Variants in RPS6KA5 observed in about 807,000 individuals in gnomAD.
The protein encoded by RPS6KA5 is ribosomal protein S6 kinase A5, also known as ribosomal protein S6 kinase alpha-5.
In RPS6KA5, 27 loss-of-function variants were observed where a neutral mutation model predicts 85.5. The observed-to-expected ratio is 0.32, with a 90% CI of 0.23 to 0.44. RPS6KA5 has a LOEUF of 0.44. Among genes scored for constraint, RPS6KA5 ranks in the 20% least tolerant of loss-of-function variants. The probability of loss-of-function intolerance (pLI) is 1.00; values close to 1 mark genes in which losing one functional copy is unlikely to be tolerated. For missense variants in RPS6KA5, 811 were observed against 980.9 expected, an observed-to-expected ratio of 0.83 and a Z score of 2.31; for synonymous variants, 334 against 348.2, an observed-to-expected ratio of 0.96 and a Z score of 0.46.
intron 5 of RPS6KA5, among the ~76,000 whole-genome samples, chr14:90,932,359 C>T (rs1336902383): frequency 1.3e-5 from 2 of 152,098 alleles, no homozygotes; most frequent in African/African-American, 2.4e-5. Context: ...TGTTGAGTCT[C>T]AAACTCCTGG....
intron 3 of RPS6KA5, among the ~76,000 whole-genome samples, chr14:90,964,935 A>AAC (rs1566801467): frequency 2.1e-5 from 3 of 144,308 alleles, no homozygotes; most frequent in African/African-American, 7.5e-5. Context: ...AAAAAAAAAA[A>AAC]CCAAAAAACC....
rs1360327189 is a variant in RPS6KA5 at position 90,869,189 on chromosome 14, A to G, written c.*2885T>C. 1 of 152,022 alleles carries G rather than the reference A, an allele frequency of 6.6e-6. No homozygotes were observed. The highest frequency in any genetic ancestry group is 1.5e-5 in the Non-Finnish European group (1 of 68,040). The allele number at this position is 152,022 out of a possible 1,614,324, so 9.4% of individuals were successfully genotyped here. ...CTCCCATGAGCCACCATGCTCAGCT[A>G]ATTTTTATTTTTATTTTTGGAGAGA... is the stretch of plus-strand genomic sequence containing the variant. On this transcript the variant is annotated 3_prime_UTR_variant, in exon 17 of 17. Transcript: ENST00000614987.
At chr14:90,976,637 T>C (rs1190450241) in intron 3 of RPS6KA5, among the ~76,000 whole-genome samples, 5 of 152,034 alleles carry the variant, frequency 3.3e-5, no homozygotes, top group African/African-American at 4.8e-5. Flanking sequence ...AAGACATATA[T>C]ATCAAAAAAA....
chr14:90,904,839 GA>G (rs1223429514), intron 8 of RPS6KA5, among the ~76,000 whole-genome samples: 5 of 152,150 alleles, frequency 3.3e-5, no homozygotes, highest in Admixed American at 6.5e-5. Flanking sequence ...ACTGAAAAGA[GA>G]AATTTCTCTA....
chr14:91,030,522 CA>C (rs2042142559), intron 1 of RPS6KA5, among the ~76,000 whole-genome samples: 1 of 143,128 alleles, frequency 7.0e-6, no homozygotes, highest in African/African-American at 2.6e-5. Flanking sequence ...AGTTTCTAAC[CA>C]GCATTTTGGT....
chr14:90,866,778 G>A lies in RPS6KA5; in HGVS notation c.*5296C>T, dbSNP rs533749339. 6.6e-6 allele frequency: 1 copy of A among 152,278 alleles called. No homozygotes were observed. The highest frequency in any genetic ancestry group is 1.9e-4 in the East Asian group (1 of 5,186). 9.4% of individuals were successfully genotyped at this position (152,278 alleles called of 1,614,324 possible). A position where few individuals can be genotyped will look rare whatever the true frequency, so the allele number is the denominator to read the frequency against. ...TTCTTCTTTTCAAAAATTCATGCCT[G>A]TGAAGTTTTTAGGAATATTTTTCAA... On this transcript the variant is annotated 3_prime_UTR_variant, in exon 17 of 17. Coordinates refer to ENST00000614987, the MANE Select transcript of RPS6KA5 (RefSeq NM_004755.4).
At position 90,908,964 on chromosome 14, in the gene RPS6KA5, C is replaced by T. The variant is rs146060899; in HGVS notation, c.807-2665G>A. Among the ~76,000 whole-genome samples the T allele has an allele frequency of 6.4e-4, 98 of 152,278 alleles. No individual in the cohort carries two copies. In the East Asian group the frequency reaches 0.014, roughly 21 times the overall value. ...GTGTCTTGTGTGGGCTGGGAAGCCA[C>T]GCATAGGTGGTGGGAAGGTCCCCGA... is the stretch of plus-strand genomic sequence containing the variant. On this transcript the variant is annotated intron_variant, in intron 7 of 16. Transcript: ENST00000614987.
intron 1 of RPS6KA5, among the ~76,000 whole-genome samples, chr14:91,033,005 G>A (rs915990739): frequency 2.6e-5 from 4 of 151,840 alleles, no homozygotes; most frequent in African/African-American, 9.7e-5. Flanking sequence ...CTAATACGGT[G>A]AAACTCCGTC....
intron 3 of RPS6KA5, among the ~76,000 whole-genome samples, chr14:90,948,153 A>C (rs2037971116): frequency 6.6e-6 from 1 of 152,226 alleles, no homozygotes; most frequent in Non-Finnish European, 1.5e-5. Context: ...CCCAAGGGGG[A>C]TAATGAAATA....
chr14:91,015,357 T>C (rs1421983183), intron 1 of RPS6KA5, among the ~76,000 whole-genome samples: 3 of 152,146 alleles, frequency 2.0e-5, no homozygotes, highest in Admixed American at 6.5e-5. Flanking sequence ...AAGCAAAAAT[T>C]TGATAACTTG....
At chr14:90,981,656 A>G (rs1233691457) in intron 2 of RPS6KA5, among the ~76,000 whole-genome samples, 1 of 152,250 alleles carries the variant, frequency 6.6e-6, no homozygotes, top group Non-Finnish European at 1.5e-5. Context: ...GTGTTCATCT[A>G]TCAGACAATG....
At chr14:90,966,382 A>G (rs564108689) in intron 3 of RPS6KA5, among the ~76,000 whole-genome samples, 1 of 152,238 alleles carries the variant, frequency 6.6e-6, no homozygotes, top group Non-Finnish European at 1.5e-5. Context: ...AAAGCATTTC[A>G]GGAGTTTATG....
intron 3 of RPS6KA5, among the ~76,000 whole-genome samples, chr14:90,959,516 TAA>T (rs1412851229): frequency 2.0e-5 from 3 of 152,100 alleles, no homozygotes; most frequent in Non-Finnish European, 4.4e-5. Flanking sequence ...ACTGAGCAAC[TAA>T]AGAGATGGAG....
chr14:90,963,317 G>A (rs1303810956), intron 3 of RPS6KA5, among the ~76,000 whole-genome samples: 4 of 152,188 alleles, frequency 2.6e-5, no homozygotes, highest in Admixed American at 6.5e-5. Flanking sequence ...TGTTAACTTT[G>A]AGAACATCAT....
At chr14:91,055,649 T>C (rs2043282356) in intron 1 of RPS6KA5, among the ~76,000 whole-genome samples, 1 of 152,100 alleles carries the variant, frequency 6.6e-6, no homozygotes, top group Non-Finnish European at 1.5e-5. Flanking sequence ...TGGTGGTGCA[T>C]GCCCGTAGTC....
intron 13 of RPS6KA5, among the ~76,000 whole-genome samples, 186 bp from the exon 14 acceptor site, chr14:90,890,864 T>C (rs944929438): frequency 6.6e-6 from 1 of 152,124 alleles, no homozygotes; most frequent in Non-Finnish European, 1.5e-5. Context: ...ATTATTTCAA[T>C]TTTACCATGT....
At chr14:91,011,707 G>A (rs1384498074) in intron 1 of RPS6KA5, among the ~76,000 whole-genome samples, 3 of 151,958 alleles carry the variant, frequency 2.0e-5, no homozygotes, top group South Asian at 2.1e-4. Flanking sequence ...GAGTCCTTCC[G>A]TCCTTTGCTT....
intron 7 of RPS6KA5, among the ~76,000 whole-genome samples, chr14:90,915,456 T>C (rs927233806): frequency 2.0e-5 from 3 of 152,126 alleles, no homozygotes; most frequent in African/African-American, 7.2e-5. Flanking sequence ...GCAGCCCACA[T>C]TGCAAGGAAC....
At chr14:90,932,258 G>C (rs1481133232) in intron 5 of RPS6KA5, among the ~76,000 whole-genome samples, 1 of 152,092 alleles carries the variant, frequency 6.6e-6, no homozygotes, top group Admixed American at 6.6e-5. Flanking sequence ...CAAGTAGCTA[G>C]GAATACAGGC....
Sources: gnomAD v4.1 joint callset for allele counts (sites outside exome capture counted in the v4.1 genomes callset) on GRCh38, gnomAD v4.1.1 for gene constraint, MANE v1.5 for transcripts, NCBI Gene and HGNC (gene_info 2026-07-23, HGNC 2026-07-21) for gene names.